OTULIN: variants seen among roughly 807,000 people sequenced by gnomAD.
The protein encoded by OTULIN is OTU deubiquitinase with linear linkage specificity.
Under a neutral mutation model 39.6 loss-of-function variants are expected in OTULIN, and 15 were observed. The observed-to-expected ratio is 0.38, with a 90% CI of 0.25 to 0.58. The LOEUF (loss-of-function observed/expected upper bound fraction) is 0.58. OTULIN is among the 20% of genes least tolerant of loss of function. The pLI is 0.66. For missense variants in OTULIN, 319 were observed against 445.9 expected, an observed-to-expected ratio of 0.72 and a Z score of 2.56; for synonymous variants, 156 against 170.3, an observed-to-expected ratio of 0.92 and a Z score of 0.65.
intron 6 of OTULIN, among the ~76,000 whole-genome samples, chr5:14,692,158 C>T (rs1736544939): frequency 1.3e-5 from 2 of 152,222 alleles, no homozygotes; most frequent in Admixed American, 1.3e-4. Flanking sequence ...AGACTGTTTG[C>T]AAAGCAGCTG....
intron 1 of OTULIN, among the ~76,000 whole-genome samples, chr5:14,671,546 C>T (rs114720260): frequency 0.012 from 1,856 of 152,262 alleles, 36 homozygotes; most frequent in African/African-American, 0.042. Flanking sequence ...GAGAGAAGAA[C>T]GAACACATTT....
intron 3 of OTULIN, among the ~76,000 whole-genome samples, chr5:14,679,373 G>C (rs925169565): frequency 1.3e-5 from 2 of 152,298 alleles, no homozygotes; most frequent in African/African-American, 2.4e-5. Flanking sequence ...TCAAGCAGCA[G>C]ACCCTGTGGG....
Position 14,665,117 on chromosome 5 carries a change from A to G in OTULIN, c.152+140A>G, listed in dbSNP as rs911109512. 1.3e-5 allele frequency: 9 copies of G among 715,868 alleles called. No individual in the cohort carries two copies. In the African/African-American group the frequency reaches 1.7e-4, roughly 14 times the overall value. The allele number at this position is 715,868 out of a possible 1,614,324, so 44.3% of individuals were successfully genotyped here. A position where few individuals can be genotyped will look rare whatever the true frequency, so the allele number is the denominator to read the frequency against. On this transcript the variant is annotated intron_variant, in intron 1 of 6. Transcript: ENST00000284274. Reference sequence around the variant, plus strand: ...GTGAGGCCGTTGGCGACAAGGAGGAATTGGCAGACAGTTTTCCCAGTGTCC... The same window carrying G: ...GTGAGGCCGTTGGCGACAAGGAGGAGTTGGCAGACAGTTTTCCCAGTGTCC...
At chr5:14,671,731 A>G (rs1735982916) in intron 1 of OTULIN, among the ~76,000 whole-genome samples, 1 of 152,214 alleles carries the variant, frequency 6.6e-6, no homozygotes, top group Non-Finnish European at 1.5e-5. Flanking sequence ...TACCCTCACA[A>G]CGTTAAAATA....
chr5:14,676,134 C>T (rs879556750), intron 2 of OTULIN, among the ~76,000 whole-genome samples: 16 of 152,172 alleles, frequency 1.1e-4, no homozygotes, highest in South Asian at 2.1e-4. Context: ...TTTAACTTCC[C>T]GCCTTCTGAG....
chr5:14,674,497 C>T (rs554655552), intron 2 of OTULIN, among the ~76,000 whole-genome samples: 16 of 152,312 alleles, frequency 1.1e-4, no homozygotes, highest in South Asian at 2.1e-4. Context: ...GGATCATGCC[C>T]GTAATCCCAG....
intron 1 of OTULIN, among the ~76,000 whole-genome samples, chr5:14,666,133 G>A (rs1335181669): frequency 3.3e-5 from 5 of 152,208 alleles, no homozygotes; most frequent in Non-Finnish European, 7.3e-5. Context: ...AGAACAGTGC[G>A]CTTAATTTAA....
At chr5:14,709,616 T>C in the OTULIN span, 8 of 152,336 alleles carry the variant, frequency 5.3e-5, no homozygotes, top group African/African-American at 1.9e-4. Flanking sequence ...TTTTTGCCTT[T>C]CCAGCTTGCA....
At chr5:14,711,168 T>A in the OTULIN span, 1 of 1,540,686 alleles carries the variant, frequency 6.5e-7, no homozygotes, top group South Asian at 1.1e-5. Flanking sequence ...TGACTGACTG[T>A]CCCTGCAGTG....
chr5:14,714,449 AAG>A, the OTULIN span, among the ~76,000 whole-genome samples: 3 of 151,998 alleles, frequency 2.0e-5, no homozygotes, highest in Admixed American at 2.0e-4. Flanking sequence ...CTGGGCCTTG[AAG>A]AGAGGGCCTG....
chr5:14,683,023 G>A (rs990509316), intron 4 of OTULIN, among the ~76,000 whole-genome samples: 35 of 152,220 alleles, frequency 2.3e-4, no homozygotes, highest in African/African-American at 7.5e-4. Flanking sequence ...CACACGCTCA[G>A]AAGGGCAAAA....
At chr5:14,704,934 C>A in the OTULIN span, 2 of 152,172 alleles carry the variant, frequency 1.3e-5, no homozygotes, top group African/African-American at 4.8e-5. Context: ...GCAAAAACTT[C>A]CATCTGTTAG....
chr5:14,709,264 T>TTTAA, the OTULIN span: 46 of 150,932 alleles, frequency 3.0e-4, no homozygotes, highest in African/African-American at 1.1e-3. Flanking sequence ...AAAAATACTG[T>TTTAA]TTAATTTTCT....
the OTULIN span, chr5:14,713,037 C>T: frequency 6.7e-7 from 1 of 1,488,066 alleles, no homozygotes; most frequent in Non-Finnish European, 9.2e-7. This position sits in a 1 kb window ranked among gnomAD's most constrained non-coding sequence, Gnocchi z 4.4. Context: ...ACCGTCGATG[C>T]CAAAACCCAG....
the OTULIN span, among the ~76,000 whole-genome samples, chr5:14,716,268 G>A: frequency 6.6e-6 from 1 of 152,184 alleles, no homozygotes; most frequent in South Asian, 2.1e-4. Flanking sequence ...TTGCCGAGGA[G>A]GAGCACTTGA....
At chr5:14,681,878 G>T (rs1560997392) in intron 4 of OTULIN, among the ~76,000 whole-genome samples, 1 of 152,310 alleles carries the variant, frequency 6.6e-6, no homozygotes, top group East Asian at 1.9e-4. Flanking sequence ...GGAACAGTTC[G>T]ATTTCAATTT....
Position 14,697,085 on chromosome 5 carries a change from G to A in OTULIN, c.*4037G>A, listed in dbSNP as rs1736689968. On this transcript the variant is annotated 3_prime_UTR_variant, in exon 7 of 7. Transcript: ENST00000284274. Reference sequence around the variant, plus strand: ...TGTGCATGTGTGTATATGCGTGTTGGTCTGCAGTCACAGCATACCTTTATG... The same window carrying A: ...TGTGCATGTGTGTATATGCGTGTTGATCTGCAGTCACAGCATACCTTTATG... The A allele has an allele frequency of 6.6e-6, 1 of 152,194 alleles. No individual in the cohort carries two copies. The highest frequency in any genetic ancestry group is 2.1e-4 in the South Asian group (1 of 4,822). 9.4% of individuals were successfully genotyped at this position (152,194 alleles called of 1,614,324 possible).
At chr5:14,674,327 A>C (rs1286618866) in intron 2 of OTULIN, among the ~76,000 whole-genome samples, 1 of 152,234 alleles carries the variant, frequency 6.6e-6, no homozygotes, top group Non-Finnish European at 1.5e-5. Flanking sequence ...TAGTTCCCTG[A>C]GTGGCCTCAT....
chr5:14,704,537 A>C (rs1736884199), downstream of OTULIN, among the ~76,000 whole-genome samples: 1 of 152,126 alleles, frequency 6.6e-6, no homozygotes, highest in Non-Finnish European at 1.5e-5. Flanking sequence ...CATTTTCATT[A>C]CTGAAGTTTT....
Sources: allele counts gnomAD v4.1 joint callset (sites outside exome capture counted in the v4.1 genomes callset), GRCh38; gene constraint gnomAD v4.1.1; non-coding constraint Gnocchi (gnomAD v3.1); transcripts MANE v1.5; gene names NCBI Gene and HGNC (gene_info 2026-07-23, HGNC 2026-07-21).